Variants in SLCO3A1 observed in about 807,000 individuals in gnomAD.
SLCO3A1 encodes the protein PGE1 transporter.
Under a neutral mutation model 63.1 loss-of-function variants are expected in SLCO3A1, and 27 were observed. That is an observed-to-expected ratio of 0.43 (90% CI 0.32 to 0.59). The LOEUF is 0.59. SLCO3A1 is among the 20% of genes least tolerant of loss of function. The pLI is 0.09. For synonymous variants in SLCO3A1, 473 were observed against 409.9 expected (o/e 1.15, Z -1.86); for missense variants, 773 against 945.8 (o/e 0.82, Z 2.40).
chr15:92,026,403 TATGTTTAACAAATACCTG>T lies in SLCO3A1; in HGVS notation c.647-68476_647-68459del, dbSNP rs2046574515. On this transcript the variant is annotated intron_variant, in intron 2 of 9. Transcript: ENST00000318445. ...CAGAAGTGACGAGAGCAGGTGGTGG[TATGTTTAACAAATACCTG>T]AGAGCAAGTAGAACTCATCAGCTTC... Among the ~76,000 whole-genome samples the T allele has an allele frequency of 2.0e-5, 3 of 152,196 alleles. No individual in the cohort carries two copies. The South Asian group carries it at 6.2e-4, about 32-fold the overall frequency.
At chr15:92,011,091 C>T (rs2046363870) in intron 2 of SLCO3A1, among the ~76,000 whole-genome samples, 1 of 152,228 alleles carries the variant, frequency 6.6e-6, no homozygotes. Context: ...ACCAGGGCCC[C>T]TGCCACACTC....
intron 2 of SLCO3A1, among the ~76,000 whole-genome samples, chr15:92,000,683 G>A (rs1466912393): frequency 2.0e-5 from 3 of 152,226 alleles, no homozygotes; most frequent in Non-Finnish European, 2.9e-5. Context: ...AAAAGGCTTC[G>A]TTGAAGCAAC....
Position 91,872,929 on chromosome 15 carries a change from G to T in SLCO3A1, c.180+18841G>T, listed in dbSNP as rs1597076638. ...GAAAAAGACCTGTTATACATTCCAG[G>T]GCTGGTCACAGGGCCCCTGCTCCTG... On this transcript the variant is annotated intron_variant, in intron 1 of 9. Transcript: ENST00000318445. The surrounding 1 kb of genome is among the most constrained non-coding windows in gnomAD (Gnocchi z 4.1). Among the ~76,000 whole-genome samples, 1 of 152,296 alleles carries T rather than the reference G, an allele frequency of 6.6e-6. No individual in the cohort carries two copies. The highest frequency in any genetic ancestry group is 1.5e-5 in the Non-Finnish European group (1 of 68,032).
chr15:91,982,997 T>C (rs2046006808), intron 2 of SLCO3A1, among the ~76,000 whole-genome samples: 1 of 152,228 alleles, frequency 6.6e-6, no homozygotes, highest in Non-Finnish European at 1.5e-5. Flanking sequence ...CTGCTTGGGC[T>C]ATGGGAGCAG....
intron 2 of SLCO3A1, among the ~76,000 whole-genome samples, chr15:91,918,401 T>C (rs1898731343): frequency 6.6e-6 from 1 of 152,198 alleles, no homozygotes; most frequent in Non-Finnish European, 1.5e-5. Flanking sequence ...CATACGAACA[T>C]CTTGGTGGCT....
At chr15:92,161,597 A>T (rs2048437544) in intron 9 of SLCO3A1, 1 of 152,264 alleles carries the variant, frequency 6.6e-6, no homozygotes, top group South Asian at 2.1e-4. Flanking sequence ...CGAAGTTGTC[A>T]GTATATATGC....
chr15:91,871,420 A>G (rs896504582), intron 1 of SLCO3A1, among the ~76,000 whole-genome samples: 4 of 152,194 alleles, frequency 2.6e-5, no homozygotes, highest in Non-Finnish European at 4.4e-5. Flanking sequence ...GCCTCGGGTC[A>G]GCCTTGGGTT....
chr15:92,149,761 T>C (rs1334183576), intron 8 of SLCO3A1: 2 of 152,250 alleles, frequency 1.3e-5, no homozygotes, highest in East Asian at 3.8e-4. Context: ...CTTGCTCACT[T>C]TGTTCCTAGT....
rs2048472488 is a variant in SLCO3A1 at position 92,164,038 on chromosome 15, AG to A, written c.*904del. 1.0e-6 allele frequency: 1 copy of A among 985,166 alleles called. No individual in the cohort carries two copies. Among genetic ancestry groups the A allele is most frequent in the Non-Finnish European group, 1.2e-6 (1 of 829,646 alleles). The allele number at this position is 985,166 out of a possible 1,614,324, so 61.0% of individuals were successfully genotyped here. ...CCAAAAACATTTTGCCATTTTTAAA[AG>A]AAAAAAATACAATCCATATGAATTT... is the stretch of plus-strand genomic sequence containing the variant. On this transcript the variant is annotated 3_prime_UTR_variant, in exon 10 of 10. Transcript: ENST00000318445.
chr15:92,019,135 C>G lies in SLCO3A1; in HGVS notation c.647-75746C>G, dbSNP rs76893965. On this transcript the variant is annotated intron_variant, in intron 2 of 9. Transcript: ENST00000318445. ...CTGGCCGGTTGCTGCTTTCAGCCTGCCAGGGTGACTTTGCTCATTGCCTCT... is the reference window on the plus strand; with the variant it reads ...CTGGCCGGTTGCTGCTTTCAGCCTGGCAGGGTGACTTTGCTCATTGCCTCT... 1.6e-4 allele frequency among the ~76,000 whole-genome samples: 25 copies of G among 152,196 alleles called. No homozygotes were observed. In the East Asian group the frequency reaches 4.3e-3, roughly 26 times the overall value.
At chr15:92,114,219 GTCAC>G (rs1342310906) in intron 4 of SLCO3A1, among the ~76,000 whole-genome samples, 8 of 152,172 alleles carry the variant, frequency 5.3e-5, no homozygotes, top group Non-Finnish European at 1.2e-4. Flanking sequence ...CCTGTGGCAT[GTCAC>G]TGATGGTTGG....
chr15:91,945,798 G>A (rs1050710843), intron 2 of SLCO3A1, among the ~76,000 whole-genome samples: 2 of 152,198 alleles, frequency 1.3e-5, no homozygotes, highest in Non-Finnish European at 1.5e-5. Flanking sequence ...ATTTGGAGGC[G>A]ACTGAAGATA....
intron 2 of SLCO3A1, among the ~76,000 whole-genome samples, chr15:91,997,326 A>C (rs113168660): frequency 1.3e-4 from 20 of 152,324 alleles, no homozygotes; most frequent in African/African-American, 4.6e-4. Context: ...TAGAAGGAAA[A>C]CTACAAAACA....
intron 8 of SLCO3A1, among the ~76,000 whole-genome samples, 161 bp from the exon 9 acceptor site, chr15:92,150,789 G>GA (rs375519277): frequency 1.0e-3 from 137 of 135,970 alleles, no homozygotes; most frequent in African/African-American, 1.3e-3. Context: ...ACTTTAGGCA[G>GA]AAAAAAAAAA....
chr15:91,994,290 A>G (rs2046163471), intron 2 of SLCO3A1, among the ~76,000 whole-genome samples: 1 of 152,170 alleles, frequency 6.6e-6, no homozygotes. Flanking sequence ...GTGGAAACTG[A>G]GGCCCAGAGA....
chr15:92,150,934 A>G lies in SLCO3A1; in HGVS notation c.1689-16A>G, dbSNP rs371077573. 1.1e-5 allele frequency: 17 copies of G among 1,589,654 alleles called. No individual in the cohort carries two copies. The African/African-American group carries it at 2.1e-4, about 19-fold the overall frequency. ...AAAATCTGGTTTTTTTTTTCTCTTCATCTCTTTGCACGTAGGACAGTCAGC... is the reference window on the plus strand; with the variant it reads ...AAAATCTGGTTTTTTTTTTCTCTTCGTCTCTTTGCACGTAGGACAGTCAGC... On this transcript the variant is annotated splice_polypyrimidine_tract_variant and intron_variant, in intron 8 of 9. Coordinates refer to ENST00000318445, the MANE Select transcript of SLCO3A1 (RefSeq NM_013272.4).
At chr15:91,931,844 GAAAA>G (rs1313456559) in intron 2 of SLCO3A1, among the ~76,000 whole-genome samples, 3 of 148,516 alleles carry the variant, frequency 2.0e-5, no homozygotes, top group African/African-American at 7.4e-5. Flanking sequence ...TAGATGAAGG[GAAAA>G]AACAGAGATT....
At chr15:91,906,211 T>C (rs548503449) in intron 1 of SLCO3A1, among the ~76,000 whole-genome samples, 1 of 151,846 alleles carries the variant, frequency 6.6e-6, no homozygotes, top group African/African-American at 2.4e-5. Flanking sequence ...TTGTATTTAA[T>C]GATACCCCCA....
intron 2 of SLCO3A1, among the ~76,000 whole-genome samples, chr15:92,056,038 T>G (rs2047017064): frequency 1.3e-5 from 2 of 152,134 alleles, no homozygotes; most frequent in African/African-American, 2.4e-5. Context: ...CTAGTGCCAG[T>G]CTAGGTGGTA....
Sources: gnomAD v4.1 joint callset for allele counts (sites outside exome capture counted in the v4.1 genomes callset) on GRCh38, gnomAD v4.1.1 for gene constraint, Gnocchi (gnomAD v3.1) non-coding constraint, MANE v1.5 for transcripts, NCBI Gene and HGNC (gene_info 2026-07-23, HGNC 2026-07-21) for gene names.